Variants in CPSF7 observed in about 807,000 individuals in gnomAD.
The protein encoded by CPSF7 is cleavage and polyadenylation specificity factor subunit 7.
A neutral mutation model predicts 44.3 loss-of-function variants in CPSF7; 1 was observed. That is an observed-to-expected ratio of 0.02 (90% CI 0.01 to 0.11). The LOEUF (loss-of-function observed/expected upper bound fraction) is 0.11, where lower values mean the gene tolerates loss of function less well. Among genes scored for constraint, CPSF7 ranks in the 10% least tolerant of loss-of-function variants. CPSF7 has a pLI of 1.00. For synonymous variants in CPSF7, 202 were observed against 222.0 expected (o/e 0.91, Z 0.80); for missense variants, 443 against 607.2 (o/e 0.73, Z 2.84).
rs375969697 is a variant in CPSF7 at position 61,424,665 on chromosome 11, C to G, written c.55-3057G>C. Among the ~76,000 whole-genome samples, 281 of 152,316 alleles carry G rather than the reference C, an allele frequency of 1.8e-3. 1 individual carries two copies. The highest frequency in any genetic ancestry group is 0.016 in the Admixed American group (241 of 15,302). ...ATGGGGTTTCACCATGTTGGCCAGG[C>G]TGGTCTCTAACTCCGGACCTCAGGT... On this transcript the variant is annotated intron_variant, in intron 2 of 9. Transcript: ENST00000439958.
At position 61,416,497 on chromosome 11, in the gene CPSF7, G is replaced by A. The variant is rs267603066; in HGVS notation, c.546C>T (p.Ser182=). The A allele has an allele frequency of 6.2e-7, 1 of 1,614,136 alleles. No individual in the cohort carries two copies. ...CATCAGCAGAATCACTAGAATCTCGGGAATGGGCCCGTGGAGGTATTCCTA... is the reference window on the plus strand; with the variant it reads ...CATCAGCAGAATCACTAGAATCTCGAGAATGGGCCCGTGGAGGTATTCCTA... The part of the protein sequence containing the change: ...ARKRIPPRAH[S]RDSSDSADGR... The change falls in exon 6 of 10, where the codon TCC becomes TCT. Residue 182 remains serine, a synonymous_variant. Coordinates refer to ENST00000439958, the MANE Select transcript of CPSF7 (RefSeq NM_001142565.3).
chr11:61,429,900 C>G lies in CPSF7; in HGVS notation c.-56+14G>C. 6.6e-7 allele frequency: 1 copy of G among 1,509,450 alleles called. No homozygotes were observed. The allele number at this position is 1,509,450 out of a possible 1,614,324, so 93.5% of individuals were successfully genotyped here. On this transcript the variant is annotated intron_variant, in intron 1 of 9. Coordinates refer to ENST00000439958, the MANE Select transcript of CPSF7 (RefSeq NM_001142565.3). ...TTCCGGCCCAACCTGCCCCCGACCG[C>G]GCGCCCCCGTTACCGGGAATATGGC...
In CPSF7 at chr11:61,410,784, G is replaced by A. The variant is rs1026042007; in HGVS notation, c.*5+154C>T. On this transcript the variant is annotated intron_variant, in intron 9 of 9. Coordinates refer to ENST00000439958, the MANE Select transcript of CPSF7 (RefSeq NM_001142565.3). ...TCAGGGTAAGACTCCCCATAAATGT[G>A]CAGAAAATCTGCCCTGAAATTCCAG... The A allele has an allele frequency of 1.5e-5, 11 of 713,924 alleles. No homozygotes were observed. The Admixed American group carries it at 3.3e-4, about 21-fold the overall frequency. The allele number at this position is 713,924 out of a possible 1,614,324, so 44.2% of individuals were successfully genotyped here. A position where few individuals can be genotyped will look rare whatever the true frequency, so the allele number is the denominator to read the frequency against.
intron 1 of CPSF7, 22 bp from the exon 2 acceptor site, chr11:61,429,312 A>C: frequency 3.5e-6 from 5 of 1,413,692 alleles, no homozygotes; most frequent in Non-Finnish European, 5.0e-6. Context: ...GGAAAAATGC[A>C]AGAATTAGAA....
chr11:61,420,591 G>A lies in CPSF7; in HGVS notation c.274-18C>T, dbSNP rs1453775398. ...GTGGTCCACTGGGGCCGGCAAGATG[G>A]AAAAGGAAGAGATGTCAAGAGCTAC... On this transcript the variant is annotated intron_variant, in intron 3 of 9. Transcript: ENST00000439958. The A allele has an allele frequency of 1.0e-5, 16 of 1,598,856 alleles. No individual in the cohort carries two copies. The highest frequency in any genetic ancestry group is 2.6e-6 in the Non-Finnish European group (3 of 1,166,306).
intron 9 of CPSF7, 68 bp downstream of exon 9, chr11:61,410,870 A>G: frequency 6.9e-7 from 1 of 1,448,064 alleles, no homozygotes. Context: ...AAAGAGAGAG[A>G]ATTCTTCACT....
At chr11:61,420,671 C>A (rs536485967) in intron 3 of CPSF7, 98 bp from the exon 4 acceptor site, 463 of 872,400 alleles carry the variant, frequency 5.3e-4, no homozygotes, top group Non-Finnish European at 7.8e-4. Flanking sequence ...TAAGTCCCCC[C>A]AGAGGAAACT....
intron 9 of CPSF7, among the ~76,000 whole-genome samples, chr11:61,405,681 G>A (rs966528192): frequency 2.0e-5 from 3 of 152,168 alleles, no homozygotes; most frequent in African/African-American, 7.2e-5. Context: ...GCCCAAACTG[G>A]CAACACAGCC....
chr11:61,414,634 T>C (rs1860150061), intron 7 of CPSF7, among the ~76,000 whole-genome samples: 1 of 152,222 alleles, frequency 6.6e-6, no homozygotes, highest in South Asian at 2.1e-4. Context: ...GATCTGATAA[T>C]CTACAGACAT....
chr11:61,420,151 A>G, intron 4 of CPSF7, 57 bp from the exon 5 acceptor site: 3 of 1,407,130 alleles, frequency 2.1e-6, no homozygotes, highest in Non-Finnish European at 2.9e-6. Context: ...GAGAAGAAAA[A>G]AGAAATTCTC....
intron 5 of CPSF7, 115 bp downstream of exon 5, chr11:61,419,834 C>A (rs531313618): frequency 1.6e-5 from 22 of 1,349,542 alleles, no homozygotes; most frequent in Non-Finnish European, 2.1e-5. Flanking sequence ...TCACCCTCCC[C>A]CAAACTCACC....
Position 61,415,782 on chromosome 11 carries a change from C to T in CPSF7, c.941G>A (p.Arg314Gln), listed in dbSNP as rs1291715158. Residue 314 changes from arginine (R) to glutamine (Q), a missense_variant and splice_region_variant, in exon 7 of 10, where the codon CGA (arginine) becomes CAA (glutamine). Transcript: ENST00000439958. ...ASAPYNHHGS[R>Q]DSGPPPSTVS... ...TGTAGAGGGTGGAGGGCCCGAATCTCGGCTGTACAGAGAAAATACCATCCT... is the reference window on the plus strand; with the variant it reads ...TGTAGAGGGTGGAGGGCCCGAATCTTGGCTGTACAGAGAAAATACCATCCT... The T allele has an allele frequency of 4.4e-6, 7 of 1,597,428 alleles. No homozygotes were observed. The highest frequency in any genetic ancestry group is 1.3e-5 in the African/African-American group (1 of 74,546).
At chr11:61,422,775 C>A (rs992926203) in intron 2 of CPSF7, among the ~76,000 whole-genome samples, 5 of 152,126 alleles carry the variant, frequency 3.3e-5, no homozygotes, top group African/African-American at 1.2e-4. Context: ...TGATATCTTA[C>A]TTACTATATA....
At chr11:61,421,326 G>C in intron 3 of CPSF7, 64 bp downstream of exon 3, 4 of 1,352,382 alleles carry the variant, frequency 3.0e-6, no homozygotes, top group Non-Finnish European at 3.2e-6. Flanking sequence ...TTCTGAAAAT[G>C]CCATCACCTC....
In CPSF7 at chr11:61,420,487, T is replaced by C; in HGVS notation, c.360A>G (p.Ala120=). Reference sequence around the variant, plus strand: ...GACCTCACCCTTTGGACTGGCCATTTGCTCGATTCTCTGCAAATTTCAACT... The same window carrying C: ...GACCTCACCCTTTGGACTGGCCATTCGCTCGATTCTCTGCAAATTTCAACT... ...VVELKFAENR[A]NGQSKGYAEV... is the part of the protein sequence containing the mutation. Residue 120 remains alanine (A), a synonymous_variant, in exon 4 of 10, where the codon GCA becomes GCG. Transcript: ENST00000439958. The C allele has an allele frequency of 6.2e-7, 1 of 1,613,948 alleles. No individual in the cohort carries two copies.
In CPSF7 at chr11:61,411,073, C is replaced by T; in HGVS notation, c.1259G>A (p.Ser420Asn). ...KRHRSRERSP[S>N]RSRESSRRHR... ...CCTCCTGCTGCTCTCCCGGGACCGG[C>T]TAGGTGACCTTTCCCGGGAGCGATG... Residue 420 changes from serine to asparagine, a missense_variant, in exon 9 of 10, where the codon AGC becomes AAC. By Grantham distance (46) the Ser-to-Asn change is conservative (BLOSUM62 1). Coordinates refer to ENST00000439958, the MANE Select transcript of CPSF7 (RefSeq NM_001142565.3). 1 of 1,612,668 alleles carries T rather than the reference C, an allele frequency of 6.2e-7. No homozygotes were observed. Among genetic ancestry groups the T allele is most frequent in the Non-Finnish European group, 8.5e-7 (1 of 1,179,690 alleles).
chr11:61,416,295 G>C lies in CPSF7; in HGVS notation c.748C>G (p.Pro250Ala). The C allele has an allele frequency of 1.3e-6, 2 of 1,488,418 alleles. No homozygotes were observed. The highest frequency in any genetic ancestry group is 1.3e-5 in the South Asian group (1 of 74,348). The allele number at this position is 1,488,418 out of a possible 1,614,324, so 92.2% of individuals were successfully genotyped here. Residue 250 changes from proline to alanine, a missense_variant, in exon 6 of 10, where the codon CCT becomes GCT. Coordinates refer to ENST00000439958, the MANE Select transcript of CPSF7 (RefSeq NM_001142565.3). ...ATGAGATGCTGGTAGTGGATACCAG[G>C]AGGAGGAGGAGGGACCCCAAAGCTT... ...SSSFGVPPPPPGIHYQHLMPP... is the reference protein window; with the variant it reads ...SSSFGVPPPPAGIHYQHLMPP...
intron 7 of CPSF7, among the ~76,000 whole-genome samples, chr11:61,415,278 T>A (rs1860217964): frequency 6.6e-6 from 1 of 151,966 alleles, no homozygotes; most frequent in Non-Finnish European, 1.5e-5. Context: ...AGTCAAAACA[T>A]CATTCCTAAA....
chr11:61,419,175 A>G (rs1440193013), intron 5 of CPSF7, among the ~76,000 whole-genome samples: 2 of 151,230 alleles, frequency 1.3e-5, no homozygotes, highest in Admixed American at 1.3e-4. Context: ...GGCATGTGTC[A>G]CCCACACCCG....
Sources: allele counts gnomAD v4.1 joint callset (sites outside exome capture counted in the v4.1 genomes callset), GRCh38; gene constraint gnomAD v4.1.1; transcripts MANE v1.5; gene names NCBI Gene and HGNC (gene_info 2026-07-23, HGNC 2026-07-21).